ELK3: variants seen among roughly 807,000 people sequenced by gnomAD.
ELK3 encodes ETS transcription factor ELK3, also known as ETS domain-containing protein Elk-3.
A neutral mutation model predicts 28.9 loss-of-function variants in ELK3; 10 were observed. The ratio of observed to expected loss-of-function variants is 0.35; its 90% confidence interval spans 0.21 to 0.59. The LOEUF is 0.59. Among genes scored for constraint, ELK3 ranks in the 20% least tolerant of loss-of-function variants. ELK3 has a pLI of 0.82. For synonymous variants in ELK3, 272 were observed against 243.5 expected (o/e 1.12, Z -1.09); for missense variants, 463 against 517.3 (o/e 0.90, Z 1.02).
intron 2 of ELK3, among the ~76,000 whole-genome samples, chr12:96,245,526 A>T (rs746736511): frequency 6.6e-6 from 1 of 152,204 alleles, no homozygotes; most frequent in African/African-American, 2.4e-5. Context: ...GAGGCACTCA[A>T]TCAGAGCTGC....
chr12:96,231,565 T>C (rs1262170617), intron 2 of ELK3, among the ~76,000 whole-genome samples: 1 of 152,184 alleles, frequency 6.6e-6, no homozygotes, highest in Non-Finnish European at 1.5e-5. Flanking sequence ...CGATCTCAGC[T>C]CACTGCAACC....
At chr12:96,242,872 A>C (rs879901383) in intron 2 of ELK3, among the ~76,000 whole-genome samples, 1 of 152,156 alleles carries the variant, frequency 6.6e-6, no homozygotes, top group Non-Finnish European at 1.5e-5. Context: ...CTAGAGAAGC[A>C]TGACCTGCCT....
At chr12:96,214,569 T>C (rs958943533) in intron 1 of ELK3, among the ~76,000 whole-genome samples, 1 of 152,190 alleles carries the variant, frequency 6.6e-6, no homozygotes, top group Non-Finnish European at 1.5e-5. Context: ...ATTCACAGAA[T>C]GCAAATACTT....
intron 2 of ELK3, among the ~76,000 whole-genome samples, chr12:96,224,943 T>C (rs992734163): frequency 8.5e-5 from 13 of 152,238 alleles, no homozygotes; most frequent in African/African-American, 3.1e-4. Flanking sequence ...AGAGACATCA[T>C]TAATTATAAA....
chr12:96,203,182 G>A (rs1951517622), intron 1 of ELK3, among the ~76,000 whole-genome samples: 1 of 152,206 alleles, frequency 6.6e-6, no homozygotes. Flanking sequence ...TACCTGGCCA[G>A]GAACTAGACA....
At chr12:96,259,489 T>C (rs1032261721) in intron 3 of ELK3, among the ~76,000 whole-genome samples, 1 of 152,188 alleles carries the variant, frequency 6.6e-6, no homozygotes, top group Admixed American at 6.5e-5. Flanking sequence ...GAGGTTATAG[T>C]GAACCAAGAT....
intron 4 of ELK3, among the ~76,000 whole-genome samples, chr12:96,263,872 A>C (rs1319669082): frequency 2.0e-5 from 3 of 152,184 alleles, no homozygotes; most frequent in Non-Finnish European, 2.9e-5. Flanking sequence ...TACGCTTTTT[A>C]AGCTGGAGGT....
intron 1 of ELK3, among the ~76,000 whole-genome samples, chr12:96,213,166 C>A (rs35192643): frequency 1.3e-5 from 2 of 152,186 alleles, no homozygotes; most frequent in Non-Finnish European, 2.9e-5. Context: ...ATATATAAGC[C>A]TTTGGCGCAG....
chr12:96,267,030 T>G, intron 4 of ELK3, 52 bp from the exon 5 acceptor site: 1 of 1,509,364 alleles, frequency 6.6e-7, no homozygotes, highest in Non-Finnish European at 9.0e-7. Flanking sequence ...GAACCTAAGT[T>G]CTTCCCAATG....
intron 1 of ELK3, chr12:96,213,972 C>T (rs906723807): frequency 3.8e-5 from 4 of 105,162 alleles, no homozygotes; most frequent in African/African-American, 1.6e-4. Flanking sequence ...TGTCCTCCCT[C>T]CTCGGTCTCC....
intron 1 of ELK3, among the ~76,000 whole-genome samples, chr12:96,200,742 A>G (rs1951502805): frequency 1.3e-5 from 2 of 152,170 alleles, no homozygotes. Context: ...GGCGCACTGC[A>G]ACCTCCGCCT....
intron 2 of ELK3, among the ~76,000 whole-genome samples, chr12:96,235,593 A>T (rs560762972): frequency 1.8e-4 from 28 of 152,194 alleles, no homozygotes; most frequent in African/African-American, 6.7e-4. Flanking sequence ...CTCCTTTAGC[A>T]AGTGAGGATC....
intron 1 of ELK3, among the ~76,000 whole-genome samples, chr12:96,216,200 A>C (rs527436077): frequency 6.6e-6 from 1 of 152,090 alleles, no homozygotes; most frequent in Non-Finnish European, 1.5e-5. Context: ...TTTCTTCGCT[A>C]TCTGACCCAA....
intron 1 of ELK3, among the ~76,000 whole-genome samples, chr12:96,203,020 C>T (rs908332665): frequency 6.6e-6 from 1 of 151,782 alleles, no homozygotes; most frequent in Non-Finnish European, 1.5e-5. Context: ...GTAGCTGGGA[C>T]TACAGGCATG....
chr12:96,253,103 G>C (rs1397640568), intron 3 of ELK3, among the ~76,000 whole-genome samples: 1 of 152,084 alleles, frequency 6.6e-6, no homozygotes, highest in Non-Finnish European at 1.5e-5. Flanking sequence ...TCTACTAAAA[G>C]TACAAAAATT....
At chr12:96,194,944 C>G (rs1951452146) in intron 1 of ELK3, among the ~76,000 whole-genome samples, 2 of 130,514 alleles carry the variant, frequency 1.5e-5, no homozygotes, top group South Asian at 2.8e-4. Context: ...GAGCTCGCGC[C>G]GGGCCCGGGG....
intron 2 of ELK3, among the ~76,000 whole-genome samples, chr12:96,239,313 G>T (rs928904658): frequency 2.0e-5 from 3 of 151,836 alleles, no homozygotes; most frequent in African/African-American, 7.3e-5. Context: ...TATTCATACT[G>T]TTTTTTTTCC....
At chr12:96,244,190 T>C (rs1357793557) in intron 2 of ELK3, among the ~76,000 whole-genome samples, 2 of 152,158 alleles carry the variant, frequency 1.3e-5, no homozygotes, top group African/African-American at 4.8e-5. Flanking sequence ...TACAGCTGGA[T>C]AATATTCCAT....
intron 2 of ELK3, among the ~76,000 whole-genome samples, chr12:96,234,395 T>C (rs1951765690): frequency 6.6e-6 from 1 of 152,216 alleles, no homozygotes; most frequent in African/African-American, 2.4e-5. Context: ...TTTGCCAGCA[T>C]GAGCGTTCCT....
Sources: allele counts gnomAD v4.1 joint callset (sites outside exome capture counted in the v4.1 genomes callset), GRCh38; gene constraint gnomAD v4.1.1; transcripts MANE v1.5; gene names NCBI Gene and HGNC (gene_info 2026-07-23, HGNC 2026-07-21).